CDYL: variants seen among roughly 807,000 people sequenced by gnomAD.
The protein encoded by CDYL is chromodomain Y-like protein.
In CDYL, 8 loss-of-function variants were observed where a neutral mutation model predicts 47.3. That is an observed-to-expected ratio of 0.17 (90% CI 0.10 to 0.31). The LOEUF (loss-of-function observed/expected upper bound fraction) is 0.31, where lower values mean the gene tolerates loss of function less well. Among genes scored for constraint, CDYL ranks in the 10% least tolerant of loss-of-function variants. The probability of loss-of-function intolerance (pLI) is 1.00; values close to 1 mark genes in which losing one functional copy is unlikely to be tolerated. For missense variants in CDYL, 471 were observed against 701.4 expected (o/e 0.67, Z 3.71); for synonymous variants, 266 against 265.0 (o/e 1.00, Z -0.04).
At position 4,837,812 on chromosome 6, in the gene CDYL, C is replaced by T. The variant is rs183684203; in HGVS notation, c.25-53901C>T. Reference sequence around the variant, plus strand: ...GGTTTAAGACAGAGTCTTGCTCTGTCGCCCAGGCTGGAGTGCAGTGGCATG... The same window carrying T: ...GGTTTAAGACAGAGTCTTGCTCTGTTGCCCAGGCTGGAGTGCAGTGGCATG... On this transcript the variant is annotated intron_variant, in intron 1 of 6. Coordinates refer to ENST00000397588, the MANE Select transcript of CDYL (RefSeq NM_004824.4). Among the ~76,000 whole-genome samples the T allele has an allele frequency of 2.6e-4, 39 of 151,842 alleles. No homozygotes were observed. The East Asian group carries it at 5.0e-3, about 20-fold the overall frequency.
intron 3 of CDYL, among the ~76,000 whole-genome samples, chr6:4,770,659 T>C (rs1331157068): frequency 1.3e-5 from 2 of 152,240 alleles, no homozygotes; most frequent in Non-Finnish European, 2.9e-5. Context: ...CTAAAATGCA[T>C]ACTATTCTGA....
intron 1 of CDYL, among the ~76,000 whole-genome samples, chr6:4,856,900 T>C (rs1761025068): frequency 6.6e-6 from 1 of 152,220 alleles, no homozygotes; most frequent in Admixed American, 6.5e-5. Flanking sequence ...CCTGACCTGG[T>C]AAGTATAGTC....
intron 1 of CDYL, among the ~76,000 whole-genome samples, chr6:4,882,185 G>A (rs1057117414): frequency 2.0e-5 from 3 of 152,158 alleles, no homozygotes; most frequent in African/African-American, 7.2e-5. Flanking sequence ...TCGTCTGTGA[G>A]CGTTCTTGAA....
At position 4,954,045 on chromosome 6, in the gene CDYL, G is replaced by A. The variant is rs138000187; in HGVS notation, c.1624G>A (p.Asp542Asn). The A allele has an allele frequency of 1.2e-4, 201 of 1,613,728 alleles. No individual in the cohort carries two copies. The highest frequency in any genetic ancestry group is 1.6e-4 in the Non-Finnish European group (183 of 1,179,918). ...GTTAAAGTACTTGCAGAGGAAGATC[G>A]ATGAGTTCTGAGTGTCGGGCTGCCC... is the stretch of plus-strand genomic sequence containing the variant. ...SMLKYLQRKI[D>N]EF Residue 542 changes from aspartate to asparagine, a missense_variant, in exon 7 of 7, where the codon GAT becomes AAT. Physicochemically the swap from Asp to Asn is conservative, Grantham distance 23. Coordinates refer to ENST00000397588, the MANE Select transcript of CDYL (RefSeq NM_004824.4).
upstream of CDYL, among the ~76,000 whole-genome samples, chr6:4,775,965 C>T (rs956071646): frequency 4.0e-5 from 6 of 149,752 alleles, no homozygotes; most frequent in Non-Finnish European, 9.0e-5. This position sits in a 1 kb window ranked among gnomAD's most constrained non-coding sequence, Gnocchi z 7.0. Flanking sequence ...GCATGGTTCC[C>T]TGCCCCATCT....
intron 3 of CDYL, among the ~76,000 whole-genome samples, chr6:4,937,331 C>A (rs1462681891): frequency 2.0e-5 from 3 of 147,712 alleles, no homozygotes; most frequent in Non-Finnish European, 4.5e-5. Flanking sequence ...CCATCTCTTA[C>A]AAAAAGGTTG....
chr6:4,892,349 A>G lies in CDYL; in HGVS notation c.661A>G (p.Met221Val), dbSNP rs199558668. 86 of 1,613,290 alleles carry G rather than the reference A, an allele frequency of 5.3e-5. No individual in the cohort carries two copies. The East Asian group carries it at 1.4e-3, about 27-fold the overall frequency. The change falls in exon 2 of 7, where the codon ATG becomes GTG. Residue 221 changes from methionine (M) to valine (V), a missense_variant. Around this residue, in one of 3 missense-constraint regions of CDYL, gnomAD observed 311 missense variants for 350.0 expected, o/e 0.89. Transcript: ENST00000397588. ...PQVPGPVTAA[M>V]ATGLAVNGKG... ...GGTGCCCGGCCCTGTGACTGCAGCC[A>G]TGGCCACAGGCTTAGCTGTTAACGG...
intron 3 of CDYL, among the ~76,000 whole-genome samples, chr6:4,741,687 C>T (rs749280178): frequency 6.6e-6 from 1 of 152,196 alleles, no homozygotes; most frequent in East Asian, 1.9e-4. Context: ...CCTGACCATA[C>T]TTAATGGTCA....
At chr6:4,743,184 T>G (rs1255707931) in intron 3 of CDYL, among the ~76,000 whole-genome samples, 1 of 152,214 alleles carries the variant, frequency 6.6e-6, no homozygotes, top group Non-Finnish European at 1.5e-5. Flanking sequence ...TAATCTAATC[T>G]TTGTGTCTGG....
intron 2 of CDYL, among the ~76,000 whole-genome samples, chr6:4,896,596 T>G (rs1032860576): frequency 6.6e-6 from 1 of 152,138 alleles, no homozygotes; most frequent in African/African-American, 2.4e-5. Flanking sequence ...AACACAGACA[T>G]TCCAGAAAGC....
intron 5 of CDYL, among the ~76,000 whole-genome samples, chr6:4,951,712 A>G (rs568234185): frequency 6.6e-6 from 1 of 152,220 alleles, no homozygotes; most frequent in Non-Finnish European, 1.5e-5. Flanking sequence ...CGCTGCCATT[A>G]GAATATTTTT....
At chr6:4,723,661 C>T (rs1411362512) in intron 2 of CDYL, among the ~76,000 whole-genome samples, 3 of 152,118 alleles carry the variant, frequency 2.0e-5, no homozygotes, top group Non-Finnish European at 2.9e-5. Context: ...GACTACAAGG[C>T]AGAGGAAGGG....
chr6:4,797,920 GTGT>G lies in CDYL; in HGVS notation c.24+21127_24+21129del, dbSNP rs200571062. ...GTTTTAGTATGAACATGTATTTTCT[GTGT>G]TGTTGTTGTTGTTTGAGTATGATAC... On this transcript the variant is annotated intron_variant, in intron 1 of 6. Transcript: ENST00000397588. Among the ~76,000 whole-genome samples, 1,280 of 152,122 alleles carry G rather than the reference GTGT, an allele frequency of 8.4e-3. 21 individuals carry two copies. The highest frequency in any genetic ancestry group is 0.03 in the African/African-American group (1,227 of 41,494).
intron 1 of CDYL, among the ~76,000 whole-genome samples, chr6:4,872,032 A>G (rs1372281303): frequency 2.0e-5 from 3 of 152,146 alleles, no homozygotes; most frequent in Admixed American, 2.0e-4. Flanking sequence ...TCTGTCTGTC[A>G]TTGGTCTCAG....
intron 1 of CDYL, among the ~76,000 whole-genome samples, chr6:4,821,985 T>A (rs1312324763): frequency 1.3e-5 from 2 of 152,096 alleles, no homozygotes; most frequent in African/African-American, 4.8e-5. Context: ...TTATTTATTT[T>A]TTTGAGATAG....
At chr6:4,737,338 A>G (rs1757720533) in intron 3 of CDYL, among the ~76,000 whole-genome samples, 1 of 123,854 alleles carries the variant, frequency 8.1e-6, no homozygotes, top group African/African-American at 3.1e-5. Flanking sequence ...AAAATAACAA[A>G]CTTAAGAAAT....
intron 2 of CDYL, among the ~76,000 whole-genome samples, chr6:4,729,660 G>C (rs1287797172): frequency 6.6e-6 from 1 of 152,254 alleles, no homozygotes; most frequent in Non-Finnish European, 1.5e-5. Flanking sequence ...GCTCATGTCT[G>C]TAATCCCAGC....
intron 1 of CDYL, among the ~76,000 whole-genome samples, chr6:4,868,522 A>G (rs1283708799): frequency 2.0e-5 from 3 of 151,964 alleles, no homozygotes; most frequent in Non-Finnish European, 4.4e-5. Context: ...GGATCTTTTT[A>G]TATATCTTAA....
chr6:4,954,053 C>A lies in CDYL; in HGVS notation c.1632C>A (p.Phe544Leu), dbSNP rs1208424071. The change falls in exon 7 of 7, where the codon TTC (phenylalanine) becomes TTA (leucine). Residue 544 changes from phenylalanine (F) to leucine (L), a missense_variant. This residue lies in a region of CDYL where 57 missense variants were observed against 74.3 expected (regional missense o/e 0.77). Coordinates refer to ENST00000397588, the MANE Select transcript of CDYL (RefSeq NM_004824.4). ...ACTTGCAGAGGAAGATCGATGAGTTCTGAGTGTCGGGCTGCCCACTGGTGA... is the reference window on the plus strand; with the variant it reads ...ACTTGCAGAGGAAGATCGATGAGTTATGAGTGTCGGGCTGCCCACTGGTGA... ...LKYLQRKIDE[F>L] 6.2e-7 allele frequency: 1 copy of A among 1,613,270 alleles called. No homozygotes were observed. Among genetic ancestry groups the A allele is most frequent in the Non-Finnish European group, 8.5e-7 (1 of 1,179,650 alleles).
Sources: allele counts gnomAD v4.1 joint callset (sites outside exome capture counted in the v4.1 genomes callset), GRCh38; gene constraint gnomAD v4.1.1; regional missense constraint gnomAD v4.1.1; non-coding constraint Gnocchi (gnomAD v3.1); transcripts MANE v1.5; gene names NCBI Gene and HGNC (gene_info 2026-07-23, HGNC 2026-07-21).